Variants in TRPA1 observed in about 807,000 individuals in gnomAD.
The protein encoded by TRPA1 is ankyrin-like with transmembrane domains 1.
A neutral mutation model predicts 131.3 loss-of-function variants in TRPA1; 129 were observed. The observed-to-expected ratio is 0.98, with a 90% CI of 0.85 to 1.14. The LOEUF (loss-of-function observed/expected upper bound fraction) is 1.14. Among genes scored for constraint, TRPA1 ranks in the 50% most tolerant of loss-of-function variants. The pLI is 0.00. For missense variants in TRPA1, 1,304 were observed against 1,354.2 expected (o/e 0.96, Z 0.58); for synonymous variants, 441 against 451.7 (o/e 0.98, Z 0.30).
Position 72,055,775 on chromosome 8 carries a change from G to T in TRPA1, c.1275C>A (p.Gly425=), listed in dbSNP as rs1563397913. 6.2e-7 allele frequency: 1 copy of T among 1,612,482 alleles called. No individual in the cohort carries two copies. The highest frequency in any genetic ancestry group is 8.5e-7 in the Non-Finnish European group (1 of 1,178,892). The change falls in exon 11 of 27, where the codon GGC becomes GGA. Residue 425 remains glycine, a synonymous_variant. Coordinates refer to ENST00000262209, the MANE Select transcript of TRPA1 (RefSeq NM_007332.3). ...CAAGTAGGTTATTTACAGAACCAGGGCCCCCCTGTCTACATGCATAATGTA... is the reference window on the plus strand; with the variant it reads ...CAAGTAGGTTATTTACAGAACCAGGTCCCCCCTGTCTACATGCATAATGTA... The part of the protein sequence containing the change: ...TPLHYACRQG[G]PGSVNNLLGF...
chr8:72,026,348 C>T (rs1037862164), intron 24 of TRPA1, among the ~76,000 whole-genome samples: 2 of 152,212 alleles, frequency 1.3e-5, no homozygotes, highest in Non-Finnish European at 2.9e-5. Flanking sequence ...ATTTTAGTCA[C>T]TTGCTGTTTA....
chr8:72,039,659 T>C (rs1812178728), intron 18 of TRPA1, 68 bp downstream of exon 18: 4 of 1,019,334 alleles, frequency 3.9e-6, no homozygotes. Context: ...ACAATATAAT[T>C]GTTTTGAAGG....
At chr8:72,039,637 T>G (rs2129434019) in intron 18 of TRPA1, 90 bp downstream of exon 18, 2 of 910,522 alleles carry the variant, frequency 2.2e-6, no homozygotes, top group Non-Finnish European at 3.6e-6. Flanking sequence ...GCTAAAACAT[T>G]AAAATACCAT....
chr8:72,025,585 A>G (rs368186962), intron 25 of TRPA1, among the ~76,000 whole-genome samples: 1 of 152,134 alleles, frequency 6.6e-6, no homozygotes. Flanking sequence ...TTGGCTGTAT[A>G]TACTCACATA....
At chr8:72,044,434 C>T (rs59731469) in intron 17 of TRPA1, among the ~76,000 whole-genome samples, 3,136 of 152,030 alleles carry the variant, frequency 0.021, 127 homozygotes, top group African/African-American at 0.07. Flanking sequence ...TTCATTAAAA[C>T]AATCCTCTTA....
At chr8:72,023,360 T>G in intron 26 of TRPA1, 1 of 565,348 alleles carries the variant, frequency 1.8e-6, no homozygotes, top group Non-Finnish European at 3.2e-6. Flanking sequence ...AAGAAACTAT[T>G]ATAGAGAAAG....
intron 25 of TRPA1, among the ~76,000 whole-genome samples, chr8:72,024,995 T>C (rs1026604876): frequency 6.6e-6 from 1 of 152,158 alleles, no homozygotes; most frequent in Non-Finnish European, 1.5e-5. Flanking sequence ...TAGCAACCTG[T>C]TATTCTGGCT....
intron 21 of TRPA1, among the ~76,000 whole-genome samples, chr8:72,035,150 T>C (rs2129433509): frequency 6.6e-6 from 1 of 152,356 alleles, no homozygotes; most frequent in South Asian, 2.1e-4. Context: ...ATCTGGCCTC[T>C]AACTTGTAGT....
chr8:72,072,532 T>C (rs1312061482), intron 1 of TRPA1, among the ~76,000 whole-genome samples: 2 of 152,206 alleles, frequency 1.3e-5, no homozygotes, highest in Non-Finnish European at 2.9e-5. Flanking sequence ...AAATTCCATA[T>C]AAGCTACATA....
Position 72,022,845 on chromosome 8 carries a change from G to C in TRPA1, c.*61C>G. 6.8e-7 allele frequency: 1 copy of C among 1,471,230 alleles called. No individual in the cohort carries two copies. The allele number at this position is 1,471,230 out of a possible 1,614,324, so 91.1% of individuals were successfully genotyped here. On this transcript the variant is annotated 3_prime_UTR_variant, in exon 27 of 27. Coordinates refer to ENST00000262209, the MANE Select transcript of TRPA1 (RefSeq NM_007332.3). ...GCTTCTTCCTCACTCTTTTTAAATT[G>C]AAAGTTAGAACCAGCAAGTCATGCA...
At chr8:72,064,898 C>T (rs942618927) in intron 4 of TRPA1, among the ~76,000 whole-genome samples, 4 of 152,182 alleles carry the variant, frequency 2.6e-5, no homozygotes, top group African/African-American at 4.8e-5. Context: ...GGAAGCCTCA[C>T]CAGAGACAAG....
intron 10 of TRPA1, 51 bp from the exon 11 acceptor site, chr8:72,055,906 T>G (rs1180742884): frequency 6.3e-7 from 1 of 1,590,332 alleles, no homozygotes; most frequent in Non-Finnish European, 8.6e-7. Context: ...TATGCTAATA[T>G]GATGGTTTTC....
At position 72,023,063 on chromosome 8, in the gene TRPA1, A is replaced by C; in HGVS notation, c.3203T>G (p.Ile1068Ser). 2 of 1,613,740 alleles carry C rather than the reference A, an allele frequency of 1.2e-6. No individual in the cohort carries two copies. The highest frequency in any genetic ancestry group is 1.7e-6 in the Non-Finnish European group (2 of 1,179,816). The change falls in exon 27 of 27, where the codon ATC becomes AGC. Residue 1068 changes from isoleucine to serine, a missense_variant. By Grantham distance (142) the Ile-to-Ser change is moderately radical (BLOSUM62 -2). Coordinates refer to ENST00000262209, the MANE Select transcript of TRPA1 (RefSeq NM_007332.3). ...LEKQHELIKLIIQKMEIISET... is the reference protein window; with the variant it reads ...LEKQHELIKLSIQKMEIISET... ...AGAGATGATCTCCATCTTCTGAATGATCAGTTTAATGAGCTCATGCTGTTT... is the reference window on the plus strand; with the variant it reads ...AGAGATGATCTCCATCTTCTGAATGCTCAGTTTAATGAGCTCATGCTGTTT...
chr8:72,023,550 A>G (rs1212603148), intron 26 of TRPA1: 3 of 440,210 alleles, frequency 6.8e-6, no homozygotes, highest in Non-Finnish European at 1.2e-5. Context: ...AATACAGTTT[A>G]TGATACTACC....
At chr8:72,035,106 A>G (rs532975080) in intron 21 of TRPA1, among the ~76,000 whole-genome samples, 10 of 152,214 alleles carry the variant, frequency 6.6e-5, no homozygotes, top group African/African-American at 2.4e-4. Flanking sequence ...TGCATCCTAT[A>G]TTGTGAAATG....
rs1003757905 is a variant in TRPA1, at chr8:72,050,995, C to T, written c.1812-124G>A. On this transcript the variant is annotated intron_variant, in intron 14 of 26. Coordinates refer to ENST00000262209, the MANE Select transcript of TRPA1 (RefSeq NM_007332.3). ...TTAAGCATATTCATGAAATGCAATG[C>T]TCACCCTTGGTTCCAATGGAACCAA... 5 of 722,016 alleles carry T rather than the reference C, an allele frequency of 6.9e-6. No individual in the cohort carries two copies. In the African/African-American group the frequency reaches 7.0e-5, roughly 10 times the overall value. 44.7% of individuals were successfully genotyped at this position (722,016 alleles called of 1,614,324 possible).
chr8:72,069,793 A>G (rs1412094320), intron 2 of TRPA1, among the ~76,000 whole-genome samples: 1 of 151,026 alleles, frequency 6.6e-6, no homozygotes, highest in Admixed American at 6.6e-5. Flanking sequence ...ACACACAGGG[A>G]GAGAGAGAGA....
chr8:72,068,563 C>T (rs1034912184), intron 3 of TRPA1, among the ~76,000 whole-genome samples: 2 of 152,200 alleles, frequency 1.3e-5, no homozygotes, highest in African/African-American at 4.8e-5. Context: ...TCTCTCATTA[C>T]CTTCCTCCTT....
In TRPA1 at chr8:72,053,834, C is replaced by T. The variant is rs369662285; in HGVS notation, c.1563G>A (p.Ala521=). The T allele has an allele frequency of 2.5e-5, 40 of 1,612,038 alleles. No homozygotes were observed. Among genetic ancestry groups the T allele is most frequent in the Middle Eastern group, 2.0e-4 (1 of 4,992 alleles). ...DHNGWTALHH[A]SMGGYTQTMK... is the part of the protein sequence containing the mutation. Reference sequence around the variant, plus strand: ...TGGTCTGAGTGTACCCGCCCATGGACGCATGATGCAAAGCTGTCCAGCCAT... The same window carrying T: ...TGGTCTGAGTGTACCCGCCCATGGATGCATGATGCAAAGCTGTCCAGCCAT... The change falls in exon 13 of 27, where the codon GCG becomes GCA. Residue 521 remains alanine, a synonymous_variant. Transcript: ENST00000262209.
Sources: gnomAD v4.1 joint callset for allele counts (sites outside exome capture counted in the v4.1 genomes callset) on GRCh38, gnomAD v4.1.1 for gene constraint, MANE v1.5 for transcripts, NCBI Gene and HGNC (gene_info 2026-07-23, HGNC 2026-07-21) for gene names.